Variants in PC observed in about 807,000 individuals in gnomAD.
PC encodes the protein pyruvate carboxylase, mitochondrial.
A neutral mutation model predicts 107.8 loss-of-function variants in PC; 46 were observed. That is an observed-to-expected ratio of 0.43 (90% CI 0.34 to 0.55). The LOEUF is 0.55. Among genes scored for constraint, PC ranks in the 20% least tolerant of loss-of-function variants. The pLI, the probability that PC is intolerant of heterozygous loss-of-function variation, is 0.04. For missense variants in PC, 1,241 were observed against 1,643.1 expected, an observed-to-expected ratio of 0.76 and a Z score of 4.23; for synonymous variants, 662 against 684.7, an observed-to-expected ratio of 0.97 and a Z score of 0.52.
chr11:66,866,399 A>T lies in PC; in HGVS notation c.1023-50T>A. ...GAAAGGACGGGAGAAAGGGGGAAAC[A>T]TGAGGCGGGGGATAGACGAGGGGCA... On this transcript the variant is annotated intron_variant, in intron 10 of 22. Coordinates refer to ENST00000393960, the MANE Select transcript of PC (RefSeq NM_001040716.2). This position sits in a 1 kb window ranked among gnomAD's most constrained non-coding sequence, Gnocchi z 5.4. The T allele has an allele frequency of 2.9e-6, 3 of 1,028,840 alleles. No individual in the cohort carries two copies. The highest frequency in any genetic ancestry group is 4.3e-6 in the Non-Finnish European group (3 of 694,898). The allele number at this position is 1,028,840 out of a possible 1,614,324, so 63.7% of individuals were successfully genotyped here.
Position 66,857,476 on chromosome 11 carries a change from C to T in PC, c.1369-4093G>A. Reference sequence around the variant, plus strand: ...CGGGACCCTCCCTGCTCTCGGTCCTCCTCCGCTTCCTGCCTCATGCCTCAC... The same window carrying T: ...CGGGACCCTCCCTGCTCTCGGTCCTTCTCCGCTTCCTGCCTCATGCCTCAC... On this transcript the variant is annotated intron_variant, in intron 12 of 22. Coordinates refer to ENST00000393960, the MANE Select transcript of PC (RefSeq NM_001040716.2). This position sits in a 1 kb window ranked among gnomAD's most constrained non-coding sequence, Gnocchi z 7.1. 2.2e-6 allele frequency: 1 copy of T among 447,190 alleles called. No individual in the cohort carries two copies. The highest frequency in any genetic ancestry group is 3.9e-6 in the Non-Finnish European group (1 of 253,908). The allele number at this position is 447,190 out of a possible 1,614,324, so 27.7% of individuals were successfully genotyped here.
chr11:66,859,256 G>A (rs1327110385), intron 12 of PC, among the ~76,000 whole-genome samples: 1 of 152,138 alleles, frequency 6.6e-6, no homozygotes, highest in Non-Finnish European at 1.5e-5. Flanking sequence ...GCCTGGCCTG[G>A]CTGCCTGAGG....
chr11:66,852,057 C>T lies in PC; in HGVS notation c.1826-111G>A, dbSNP rs78548987. ...TCTGGCCCCAATACCAGGTCCTGCT[C>T]ATCTTCGCCATACCTGTGTTCCCTG... On this transcript the variant is annotated intron_variant, in intron 15 of 22. Transcript: ENST00000393960. This position sits in a 1 kb window ranked among gnomAD's most constrained non-coding sequence, Gnocchi z 4.7. 7.3e-5 allele frequency: 79 copies of T among 1,088,666 alleles called. No homozygotes were observed. The highest frequency in any genetic ancestry group is 7.2e-4 in the East Asian group (28 of 38,858). 67.4% of individuals were successfully genotyped at this position (1,088,666 alleles called of 1,614,324 possible).
intron 3 of PC, among the ~76,000 whole-genome samples, chr11:66,886,165 GGGA>G (rs1463312483): frequency 1.3e-5 from 2 of 151,862 alleles, no homozygotes; most frequent in Non-Finnish European, 2.9e-5. Context: ...ACTCCAGGGT[GGGA>G]GGAGGAAGGG....
At chr11:66,934,132 C>T (rs1001845167) in intron 3 of PC, among the ~76,000 whole-genome samples, 4 of 152,238 alleles carry the variant, frequency 2.6e-5, no homozygotes, top group African/African-American at 4.8e-5. Flanking sequence ...CGGGGGCACC[C>T]GCCTCCTACG....
chr11:66,885,102 C>G (rs561781161), intron 3 of PC, among the ~76,000 whole-genome samples: 1 of 152,336 alleles, frequency 6.6e-6, no homozygotes, highest in African/African-American at 2.4e-5. Context: ...AAGCTCAGGA[C>G]AAGCGGGTGT....
At chr11:66,906,726 G>A (rs141280274) in intron 3 of PC, among the ~76,000 whole-genome samples, 70 of 152,024 alleles carry the variant, frequency 4.6e-4, no homozygotes, top group African/African-American at 1.7e-3. Context: ...AGCCTGGCCC[G>A]TTTGCAGTTA....
At chr11:66,948,794 T>C (rs182151531) in intron 3 of PC, among the ~76,000 whole-genome samples, 9 of 152,126 alleles carry the variant, frequency 5.9e-5, no homozygotes, top group African/African-American at 2.2e-4. Flanking sequence ...GAGCTGAGAC[T>C]GTGCCACTGT....
chr11:66,921,986 C>T (rs1948607706), intron 3 of PC, among the ~76,000 whole-genome samples: 1 of 152,160 alleles, frequency 6.6e-6, no homozygotes, highest in African/African-American at 2.4e-5. Context: ...GGAGTTCTCT[C>T]CCTCACCCCA....
rs374298238 is a variant in PC at position 66,866,043 on chromosome 11, C to T, written c.1185+144G>A. The T allele has an allele frequency of 4.6e-5, 42 of 921,918 alleles. No individual in the cohort carries two copies. Among genetic ancestry groups the T allele is most frequent in the Non-Finnish European group, 5.4e-5 (33 of 610,992 alleles). The allele number at this position is 921,918 out of a possible 1,614,324, so 57.1% of individuals were successfully genotyped here. A position where few individuals can be genotyped will look rare whatever the true frequency, so the allele number is the denominator to read the frequency against. ...CCCTCCTCTGGGCACTGCCTGCCTCCGTGTACTCTATGTCCACTTCAGAGC... is the reference window on the plus strand; with the variant it reads ...CCCTCCTCTGGGCACTGCCTGCCTCTGTGTACTCTATGTCCACTTCAGAGC... On this transcript the variant is annotated intron_variant, in intron 11 of 22. Coordinates refer to ENST00000393960, the MANE Select transcript of PC (RefSeq NM_001040716.2). This position sits in a 1 kb window ranked among gnomAD's most constrained non-coding sequence, Gnocchi z 5.4.
chr11:66,873,446 T>A (rs1332400330), intron 3 of PC, among the ~76,000 whole-genome samples: 6 of 86,766 alleles, frequency 6.9e-5, no homozygotes, highest in South Asian at 5.0e-4. Flanking sequence ...TATATTATAT[T>A]ATATATAAAA....
chr11:66,933,863 C>G (rs1013280715), intron 3 of PC, among the ~76,000 whole-genome samples: 3 of 152,168 alleles, frequency 2.0e-5, no homozygotes, highest in Non-Finnish European at 4.4e-5. Flanking sequence ...CTGGCTCAAG[C>G]ATCTCAGGGG....
chr11:66,894,525 A>C (rs1947681335), intron 3 of PC, among the ~76,000 whole-genome samples: 1 of 152,232 alleles, frequency 6.6e-6, no homozygotes, highest in Non-Finnish European at 1.5e-5. Flanking sequence ...AGAGGAGACA[A>C]CAGCAACATG....
At chr11:66,902,565 T>G (rs1215556936) in intron 3 of PC, among the ~76,000 whole-genome samples, 1 of 152,180 alleles carries the variant, frequency 6.6e-6, no homozygotes, top group Admixed American at 6.5e-5. Context: ...CCCTGCCACC[T>G]GGGAGTCCCT....
intron 3 of PC, among the ~76,000 whole-genome samples, chr11:66,894,134 G>A (rs941473693): frequency 7.2e-5 from 11 of 152,038 alleles, no homozygotes; most frequent in Non-Finnish European, 7.4e-5. Flanking sequence ...AGGCATGACG[G>A]CACTCTTCCT....
chr11:66,848,893 G>A lies in PC; in HGVS notation c.*6C>T, dbSNP rs375361262. The A allele has an allele frequency of 1.9e-6, 3 of 1,613,590 alleles. No homozygotes were observed. Among genetic ancestry groups the A allele is most frequent in the African/African-American group, 2.7e-5 (2 of 74,922 alleles). The stretch of plus-strand genomic sequence containing the variant: ...GGGATGGCCAGGCTGCCGGTCTGGG[G>A]CAAGATCACTCGATCTCCAGGATGA... On this transcript the variant is annotated 3_prime_UTR_variant, in exon 23 of 23. Coordinates refer to ENST00000393960, the MANE Select transcript of PC (RefSeq NM_001040716.2).
chr11:66,946,424 T>C (rs1301608849), intron 3 of PC, among the ~76,000 whole-genome samples: 1 of 151,390 alleles, frequency 6.6e-6, no homozygotes, highest in Non-Finnish European at 1.5e-5. Flanking sequence ...AGGTCGGGAG[T>C]TCGAGATCAG....
rs1945995429 is a variant in PC, at chr11:66,858,269, C to T, written c.1369-4886G>A. The T allele has an allele frequency of 6.2e-7, 1 of 1,612,304 alleles. No homozygotes were observed. The highest frequency in any genetic ancestry group is 1.3e-5 in the African/African-American group (1 of 75,068). On this transcript the variant is annotated intron_variant, in intron 12 of 22. Coordinates refer to ENST00000393960, the MANE Select transcript of PC (RefSeq NM_001040716.2). This position sits in a 1 kb window ranked among gnomAD's most constrained non-coding sequence, Gnocchi z 5.9. ...CCATGCCTGCCCTGCACACCCTCAA[C>T]CTGGACCATAACCTTATTGACGCAC...
intron 3 of PC, among the ~76,000 whole-genome samples, chr11:66,948,729 A>G (rs1203229659): frequency 6.6e-6 from 1 of 152,018 alleles, no homozygotes; most frequent in Non-Finnish European, 1.5e-5. Context: ...AGTCCCAGCT[A>G]CTCAGGAGTC....
Sources: allele counts gnomAD v4.1 joint callset (sites outside exome capture counted in the v4.1 genomes callset), GRCh38; gene constraint gnomAD v4.1.1; non-coding constraint Gnocchi (gnomAD v3.1); transcripts MANE v1.5; gene names NCBI Gene and HGNC (gene_info 2026-07-23, HGNC 2026-07-21).